VPS13A: variants seen among roughly 807,000 people sequenced by gnomAD.
The protein encoded by VPS13A is vacuolar protein sorting 13 homolog A, also known as intermembrane lipid transfer protein VPS13A.
In VPS13A, 264 loss-of-function variants were observed where a neutral mutation model predicts 390.9. The observed-to-expected ratio is 0.68, with a 90% confidence interval of 0.61 to 0.75. VPS13A has a LOEUF of 0.75. VPS13A is among the 30% of genes least tolerant of loss of function. The probability of loss-of-function intolerance (pLI) is 0.00; values close to 1 mark genes in which losing one functional copy is unlikely to be tolerated. For synonymous variants in VPS13A, 1,231 were observed against 1,227.1 expected (o/e 1.00, Z -0.07); for missense variants, 3,409 against 3,733.9 (o/e 0.91, Z 2.27).
At chr9:77,179,687 G>A (rs1467971693) in intron 1 of VPS13A, among the ~76,000 whole-genome samples, 1 of 130,902 alleles carries the variant, frequency 7.6e-6, no homozygotes, top group Non-Finnish European at 1.6e-5. Flanking sequence ...TGGGTTGTAC[G>A]TTTTTTTTTT....
rs562335982 is a variant in VPS13A at position 77,334,654 on chromosome 9, G to C, written c.6095+2541G>C. ...ATTTTAACATTTCCCACCTGATTAT[G>C]ATCTTACTCATTTGTTTGTTTTCAA... is the stretch of plus-strand genomic sequence containing the variant. On this transcript the variant is annotated intron_variant, in intron 46 of 71. Coordinates refer to ENST00000360280, the MANE Select transcript of VPS13A (RefSeq NM_033305.3). 1.2e-4 allele frequency among the ~76,000 whole-genome samples: 19 copies of C among 152,212 alleles called. No homozygotes were observed. In the South Asian group the frequency reaches 3.9e-3, roughly 32 times the overall value.
intron 34 of VPS13A, 90 bp from the exon 35 acceptor site, chr9:77,307,851 GTCTT>G (rs1828851278): frequency 9.9e-7 from 1 of 1,010,358 alleles, no homozygotes; most frequent in African/African-American, 1.6e-5. Flanking sequence ...GATTGAAACA[GTCTT>G]TCATTTTTCT....
At chr9:77,379,756 T>TTTTA (rs1338529674) in intron 67 of VPS13A, among the ~76,000 whole-genome samples, 1 of 152,242 alleles carries the variant, frequency 6.6e-6, no homozygotes, top group African/African-American at 2.4e-5. Flanking sequence ...TTGAGACATG[T>TTTTA]TTTATGACCT....
At chr9:77,343,199 T>C (rs1830937256) in intron 50 of VPS13A, among the ~76,000 whole-genome samples, 1 of 152,184 alleles carries the variant, frequency 6.6e-6, no homozygotes, top group Non-Finnish European at 1.5e-5. Flanking sequence ...AATGCAGACA[T>C]GGATAAAAGC....
rs1156801817 is a variant in VPS13A at position 77,357,316 on chromosome 9, C to CAAAA, written c.7807-353_7807-350dup. Among the ~76,000 whole-genome samples, 55 of 44,604 alleles carry CAAAA rather than the reference C, an allele frequency of 1.2e-3. 2 individuals carry two copies. The highest frequency in any genetic ancestry group is 1.5e-3 in the Non-Finnish European group (38 of 25,842). The allele number at this position is 44,604 out of a possible 152,430, so 29.3% of individuals were successfully genotyped here. ...CCTGGCTGACAGCAAGACTCTGTCT[C>CAAAA]AAAAAAAAAAAAAAAAAAAAAAAAA... On this transcript the variant is annotated intron_variant, in intron 55 of 71. Transcript: ENST00000360280.
rs868368544 is a variant in VPS13A, at chr9:77,368,048, T to C, written c.8472-7T>C. 1.2e-6 allele frequency: 2 copies of C among 1,609,718 alleles called. No individual in the cohort carries two copies. The highest frequency in any genetic ancestry group is 1.7e-6 in the Non-Finnish European group (2 of 1,178,074). ...GTACAGACAATATATTTTTACGCTT[T>C]TTTCAGGCTTGCATTTTTTGAACTC... On this transcript the variant is annotated splice_region_variant and splice_polypyrimidine_tract_variant and intron_variant, in intron 61 of 71. Transcript: ENST00000360280.
At chr9:77,223,220 C>T (rs1350088926) in intron 13 of VPS13A, among the ~76,000 whole-genome samples, 2 of 152,140 alleles carry the variant, frequency 1.3e-5, no homozygotes, top group African/African-American at 4.8e-5. Context: ...GTTCTGCTGA[C>T]TGGCTGTTTT....
chr9:77,375,632 C>A (rs1833025906), intron 67 of VPS13A, among the ~76,000 whole-genome samples: 1 of 152,074 alleles, frequency 6.6e-6, no homozygotes, highest in Admixed American at 6.5e-5. Context: ...CACAACTTGA[C>A]AAAACTGTAA....
rs759634512 is a variant in VPS13A, at chr9:77,345,054, G to A, written c.7201G>A (p.Val2401Ile). 3 of 1,613,108 alleles carry A rather than the reference G, an allele frequency of 1.9e-6. No homozygotes were observed. The highest frequency in any genetic ancestry group is 1.7e-6 in the Non-Finnish European group (2 of 1,179,832). ...AEVNLAEHST[V>I]ITFLDYHDGA... is the part of the protein sequence containing the mutation. Reference sequence around the variant, plus strand: ...AGTGAATTTGGCCGAGCATTCTACAGTTATTACATTTTTAGATTATCATGA... The same window carrying A: ...AGTGAATTTGGCCGAGCATTCTACAATTATTACATTTTTAGATTATCATGA... The change falls in exon 52 of 72, where the codon GTT becomes ATT. Residue 2401 changes from valine (V) to isoleucine (I), a missense_variant. Val to Ile is a conservative substitution (Grantham distance 29, BLOSUM62 3). Coordinates refer to ENST00000360280, the MANE Select transcript of VPS13A (RefSeq NM_033305.3).
intron 35 of VPS13A, among the ~76,000 whole-genome samples, chr9:77,311,598 C>G (rs1829080481): frequency 1.3e-5 from 2 of 151,560 alleles, no homozygotes; most frequent in Non-Finnish European, 1.5e-5. Flanking sequence ...ATTGACAGAA[C>G]TAAAGAAGAA....
intron 33 of VPS13A, 150 bp from the exon 34 acceptor site, chr9:77,302,765 A>G: frequency 1.2e-6 from 1 of 819,930 alleles, no homozygotes. Flanking sequence ...TTGACAGATA[A>G]AAAAAAAGTC....
chr9:77,402,518 CCTG>C (rs1226599515), intron 68 of VPS13A, among the ~76,000 whole-genome samples: 2 of 152,088 alleles, frequency 1.3e-5, no homozygotes, highest in African/African-American at 4.8e-5. Context: ...AGTAGGCTAG[CCTG>C]CTATGTACTT....
At chr9:77,304,346 G>C (rs1353575840) in intron 34 of VPS13A, among the ~76,000 whole-genome samples, 1 of 152,188 alleles carries the variant, frequency 6.6e-6, no homozygotes, top group Non-Finnish European at 1.5e-5. Context: ...CAACATCTCT[G>C]CAAAGTAATT....
chr9:77,365,307 A>G (rs935633295), intron 59 of VPS13A, among the ~76,000 whole-genome samples, 153 bp from the exon 60 acceptor site: 4 of 152,288 alleles, frequency 2.6e-5, no homozygotes, highest in Non-Finnish European at 5.9e-5. Flanking sequence ...GAACTGTCCT[A>G]TAGATAGAGA....
At chr9:77,178,342 G>A (rs114975107) in intron 1 of VPS13A, among the ~76,000 whole-genome samples, 21 of 152,260 alleles carry the variant, frequency 1.4e-4, no homozygotes, top group African/African-American at 4.6e-4. Context: ...GGCTTCACCC[G>A]TGGTGCTTTC....
rs542540922 is a variant in VPS13A at position 77,255,049 on chromosome 9, T to C, written c.2288+2697T>C. Among the ~76,000 whole-genome samples, 9 of 152,266 alleles carry C rather than the reference T, an allele frequency of 5.9e-5. No homozygotes were observed. In the South Asian group the frequency reaches 6.2e-4, roughly 11 times the overall value. Reference sequence around the variant, plus strand: ...CTCTCTTGAATAGAAGTAGTTTAGGTTGGCATCCTCACCTTAATCCTGAGC... The same window carrying C: ...CTCTCTTGAATAGAAGTAGTTTAGGCTGGCATCCTCACCTTAATCCTGAGC... On this transcript the variant is annotated intron_variant, in intron 22 of 71. Transcript: ENST00000360280.
chr9:77,241,092 G>C (rs887556576), intron 19 of VPS13A, among the ~76,000 whole-genome samples: 1 of 151,972 alleles, frequency 6.6e-6, no homozygotes, highest in Non-Finnish European at 1.5e-5. Context: ...AAATCTATCT[G>C]GAAAATTCTT....
Position 77,382,016 on chromosome 9 carries a change from C to T in VPS13A, c.9118C>T (p.Arg3040Trp), listed in dbSNP as rs1833466403. 5 of 1,607,544 alleles carry T rather than the reference C, an allele frequency of 3.1e-6. No homozygotes were observed. Among genetic ancestry groups the T allele is most frequent in the East Asian group, 4.5e-5 (2 of 44,490 alleles). Residue 3040 changes from arginine (R) to tryptophan (W), a missense_variant, in exon 68 of 72, where the codon CGG becomes TGG. Coordinates refer to ENST00000360280, the MANE Select transcript of VPS13A (RefSeq NM_033305.3). Reference sequence around the variant, plus strand: ...TGAAGTGGAGAGTCTGCGACCTCCTCGGTTCTTCAATGAAGATGGAGTTAT... The same window carrying T: ...TGAAGTGGAGAGTCTGCGACCTCCTTGGTTCTTCAATGAAGATGGAGTTAT... ...TSEVESLRPPRFFNEDGVIRP... is the reference protein window; with the variant it reads ...TSEVESLRPPWFFNEDGVIRP...
chr9:77,411,769 T>G (rs150760621), intron 71 of VPS13A, among the ~76,000 whole-genome samples: 1,899 of 124,366 alleles, frequency 0.015, 40 homozygotes, highest in African/African-American at 0.056. Context: ...CTGAAGGAAA[T>G]AGACACAAAA....
Sources: gnomAD v4.1 joint callset for allele counts (sites outside exome capture counted in the v4.1 genomes callset) on GRCh38, gnomAD v4.1.1 for gene constraint, MANE v1.5 for transcripts, NCBI Gene and HGNC (gene_info 2026-07-23, HGNC 2026-07-21) for gene names.